TTN: variants seen among roughly 807,000 people sequenced by gnomAD.
TTN encodes connectin.
TTN carries 1,525 observed loss-of-function variants against 3,223.0 expected under a neutral mutation model. The ratio of observed to expected loss-of-function variants is 0.47; its 90% CI spans 0.45 to 0.49. TTN has a LOEUF of 0.49. Ranked by LOEUF, TTN falls within the 20% of genes least tolerant of loss-of-function variation. TTN has a pLI of 0.00. For missense variants in TTN, 40,786 were observed against 43,424.0 expected (o/e 0.94, Z 5.40); for synonymous variants, 14,094 against 15,161.0 (o/e 0.93, Z 5.17).
chr2:178,679,711 A>G (rs2068895585), intron 140 of TTN, 29 bp from the exon 141 acceptor site: 1 of 1,581,982 alleles, frequency 6.3e-7, no homozygotes, highest in African/African-American at 1.4e-5. Context: ...GAATGTTGGA[A>G]ATTTTGCAGG....
chr2:178,729,998 G>A lies in TTN; in HGVS notation c.18308-53C>T. ...TGAATATTTTTAAAAACAGGTCACT[G>A]GGCAAAACTGCTGTCTTAAGCGTCC... On this transcript the variant is annotated intron_variant, in intron 62 of 362. Coordinates refer to ENST00000589042, the MANE Select transcript of TTN (RefSeq NM_001267550.2). 3 of 1,597,524 alleles carry A rather than the reference G, an allele frequency of 1.9e-6. No homozygotes were observed. In the South Asian group the frequency reaches 3.4e-5, roughly 18 times the overall value.
intron 47 of TTN, chr2:178,748,470 G>A (rs1560995999): frequency 8.1e-6 from 13 of 1,612,986 alleles, no homozygotes; most frequent in Admixed American, 1.7e-5. Context: ...TCTTTATAAT[G>A]TATTTCCTGC....
Position 178,710,882 on chromosome 2 carries a change from A to AGG in TTN, c.28213_28214dup (p.Val9406LeufsTer22). On this transcript the variant is annotated frameshift_variant, in exon 98 of 363. Transcript: ENST00000589042. LOFTEE classifies it high-confidence loss of function. ...CACTTTCTCCCACCACAGCATCCACAGGGGCAAGACGGATGTCAAAGAAGG... is the reference window on the plus strand; with the variant it reads ...CACTTTCTCCCACCACAGCATCCACAGGGGGGCAAGACGGATGTCAAAGAAGG... The AGG allele has an allele frequency of 6.2e-7, 1 of 1,613,876 alleles. No homozygotes were observed. The highest frequency in any genetic ancestry group is 8.5e-7 in the Non-Finnish European group (1 of 1,179,798).
rs879142934 is a variant in TTN at position 178,536,132 on chromosome 2, C to T, written c.100615G>A (p.Asp33539Asn). ...WYRQGKEIIA[D>N]GLKYRIQEFK... is the part of the protein sequence containing the mutation. Reference sequence around the variant, plus strand: ...TCTTGAATCCTATATTTTAATCCATCTGCAATGATTTCTTTGCCTTGTCTG... The same window carrying T: ...TCTTGAATCCTATATTTTAATCCATTTGCAATGATTTCTTTGCCTTGTCTG... The change falls in exon 357 of 363, where the codon GAT becomes AAT. Residue 33539 changes from aspartate (D) to asparagine (N), a missense_variant. By Grantham distance (23) the Asp-to-Asn change is conservative (BLOSUM62 1). Coordinates refer to ENST00000589042, the MANE Select transcript of TTN (RefSeq NM_001267550.2). 1.2e-6 allele frequency: 2 copies of T among 1,613,580 alleles called. No individual in the cohort carries two copies. The highest frequency in any genetic ancestry group is 1.3e-5 in the African/African-American group (1 of 74,914).
At chr2:178,668,195 A>G (rs745679600) in intron 159 of TTN, among the ~76,000 whole-genome samples, 3 of 152,176 alleles carry the variant, frequency 2.0e-5, no homozygotes, top group Non-Finnish European at 4.4e-5. Flanking sequence ...ATGAATGTAA[A>G]AGCCATTTAG....
At chr2:178,703,459 T>C (rs1263270400) in intron 106 of TTN, among the ~76,000 whole-genome samples, 1 of 152,232 alleles carries the variant, frequency 6.6e-6, no homozygotes, top group East Asian at 1.9e-4. Flanking sequence ...GACATGCTTA[T>C]GTAAATCCAA....
At position 178,602,477 on chromosome 2, in the gene TTN, C is replaced by A; in HGVS notation, c.54925G>T (p.Val18309Leu). The change falls in exon 283 of 363, where the codon GTA becomes TTA. Residue 18309 changes from valine to leucine, a missense_variant. Physicochemically the swap from Val to Leu is conservative, Grantham distance 32 (BLOSUM62 1). Coordinates refer to ENST00000589042, the MANE Select transcript of TTN (RefSeq NM_001267550.2). ...DGGSPIKGYI[V>L]EMQEEGTTDW... ...GTAGTACCTTCTTCTTGCATTTCTACAATGTATCCTTTGATTGGGCTGCCA... is the reference window on the plus strand; with the variant it reads ...GTAGTACCTTCTTCTTGCATTTCTAAAATGTATCCTTTGATTGGGCTGCCA... The A allele has an allele frequency of 6.2e-7, 1 of 1,612,104 alleles. No individual in the cohort carries two copies. The highest frequency in any genetic ancestry group is 8.5e-7 in the Non-Finnish European group (1 of 1,178,990).
At position 178,777,490 on chromosome 2, in the gene TTN, A is replaced by G. The variant is rs1357204738; in HGVS notation, c.4575T>C (p.Ser1525=). ...TTTGGGCAACCACAGTCCATTCCCC[A>G]GAATCACTGGGTGTGGCAGGGACAA... The part of the protein sequence containing the change: ...LIIVPATPSD[S]GEWTVVAQNR... The change falls in exon 26 of 363, where the codon TCT becomes TCC. Residue 1525 remains serine, a synonymous_variant. Transcript: ENST00000589042. 1 of 1,614,012 alleles carries G rather than the reference A, an allele frequency of 6.2e-7. No homozygotes were observed. Among genetic ancestry groups the G allele is most frequent in the Admixed American group, 1.7e-5 (1 of 59,992 alleles).
At chr2:178,704,089 A>C (rs1015481573) in intron 106 of TTN, 58 bp downstream of exon 106, 9 of 1,578,318 alleles carry the variant, frequency 5.7e-6, no homozygotes, top group Admixed American at 3.4e-5. Flanking sequence ...GGGGTCCTGC[A>C]CAACATTTGC....
chr2:178,704,982 A>G lies in TTN; in HGVS notation c.29605-16T>C. 1 of 1,611,134 alleles carries G rather than the reference A, an allele frequency of 6.2e-7. No individual in the cohort carries two copies. On this transcript the variant is annotated splice_polypyrimidine_tract_variant and intron_variant, in intron 103 of 362. Transcript: ENST00000589042. ...CCTCAATTTCCTGAGAAGAACAAAA[A>G]TGATAGGCATTACAGATGAAACAAA... is the stretch of plus-strand genomic sequence containing the variant.
intron 69 of TTN, 133 bp from the exon 70 acceptor site, chr2:178,726,179 C>T (rs1367914438): frequency 1.9e-6 from 2 of 1,047,026 alleles, no homozygotes; most frequent in East Asian, 5.6e-5. Flanking sequence ...CTAACACTCT[C>T]ATGGGATAAC....
In TTN at chr2:178,729,872, G is replaced by A. The variant is rs371610668; in HGVS notation, c.18381C>T (p.Cys6127=). ...GGATTTTAGGAGTGCCTGTTATTTG[G>A]CATTCAAATGTTGTTGACTGTCCAT... ...LRNGQSTTFE[C]QITGTPKIRV... The change falls in exon 63 of 363, where the codon TGC becomes TGT. Residue 6127 remains cysteine (C), a synonymous_variant. Transcript: ENST00000589042. The A allele has an allele frequency of 5.0e-6, 8 of 1,613,384 alleles. No individual in the cohort carries two copies. Among genetic ancestry groups the A allele is most frequent in the Non-Finnish European group, 5.9e-6 (7 of 1,179,706 alleles).
intron 132 of TTN, 25 bp from the exon 133 acceptor site, chr2:178,684,107 A>G (rs1186090741): frequency 1.9e-6 from 3 of 1,609,728 alleles, no homozygotes; most frequent in Non-Finnish European, 2.5e-6. Context: ...TTCACTTTAA[A>G]GTATTGTTTC....
rs199652273 is a variant in TTN at position 178,545,830 on chromosome 2, T to C, written c.95406A>G (p.Arg31802=). The part of the protein sequence containing the change: ...VPVESEPIVA[R]NSFTIPSPPG... ...AGTGTTAATACTTACTGAATGAGTT[T>C]CTGGCTACAATTGGCTCTGATTCAA... Residue 31802 remains arginine, a synonymous_variant, in exon 343 of 363, where the codon AGA becomes AGG. Coordinates refer to ENST00000589042, the MANE Select transcript of TTN (RefSeq NM_001267550.2). 7.1e-5 allele frequency: 115 copies of C among 1,613,082 alleles called. No individual in the cohort carries two copies. Among genetic ancestry groups the C allele is most frequent in the Non-Finnish European group, 2.0e-5 (23 of 1,179,252 alleles).
intron 339 of TTN, 38 bp from the exon 340 acceptor site, chr2:178,547,343 T>C: frequency 2.5e-6 from 4 of 1,574,404 alleles, no homozygotes; most frequent in Non-Finnish European, 3.4e-6. Flanking sequence ...GAATACAATT[T>C]TATAAAATTC....
In TTN at chr2:178,619,672, A is replaced by G; in HGVS notation, c.46645T>C (p.Tyr15549His). The change falls in exon 250 of 363, where the codon TAC becomes CAC. Residue 15549 changes from tyrosine (Y) to histidine (H), a missense_variant. Coordinates refer to ENST00000589042, the MANE Select transcript of TTN (RefSeq NM_001267550.2). Reference protein sequence around the residue: ...CDIKPRDQGEYRFIAKDKEAR... With the variant: ...CDIKPRDQGEHRFIAKDKEAR... ...TCTTTGTCTTTGGCAATAAATCTGT[A>G]TTCACCCTGGTCACGGGGCTTAATA... The G allele has an allele frequency of 6.2e-7, 1 of 1,612,150 alleles. No homozygotes were observed. The highest frequency in any genetic ancestry group is 8.5e-7 in the Non-Finnish European group (1 of 1,178,838).
At chr2:178,771,826 G>T (rs2091532505) in intron 33 of TTN, among the ~76,000 whole-genome samples, 1 of 152,050 alleles carries the variant, frequency 6.6e-6, no homozygotes, top group Admixed American at 6.6e-5. Context: ...CTGGGAATCT[G>T]ATATTTTGAC....
intron 49 of TTN, chr2:178,737,345 G>A (rs1012699474): frequency 3.3e-5 from 5 of 151,504 alleles, no homozygotes; most frequent in African/African-American, 1.2e-4. Flanking sequence ...ATGTTGCCCA[G>A]GCTGGAGAGC....
Position 178,548,795 on chromosome 2 carries a change from C to T in TTN, c.92831G>A (p.Arg30944His), listed in dbSNP as rs755972883. Residue 30944 changes from arginine (R) to histidine (H), a missense_variant, in exon 339 of 363, where the codon CGC becomes CAC. Transcript: ENST00000589042. The surrounding 1 kb of genome is among the most constrained non-coding windows in gnomAD (Gnocchi z 4.3). ...TCTACCTTGGTAGGCAATGAAGAGG[C>T]GAATACTGGCCCCAGCTCTAACAAC... ...THVVRAGASI[R>H]LFIAYQGRPT... 6.0e-5 allele frequency: 96 copies of T among 1,612,470 alleles called. 1 individual carries two copies. Among genetic ancestry groups the T allele is most frequent in the Non-Finnish European group, 4.6e-5 (54 of 1,179,770 alleles).
Sources: gnomAD v4.1 joint callset for allele counts (sites outside exome capture counted in the v4.1 genomes callset) on GRCh38, gnomAD v4.1.1 for gene constraint, Gnocchi (gnomAD v3.1) non-coding constraint, MANE v1.5 for transcripts, NCBI Gene and HGNC (gene_info 2026-07-23, HGNC 2026-07-21) for gene names.